Variants in PRKCE observed in about 807,000 individuals in gnomAD.
PRKCE encodes the protein protein kinase C epsilon.
Under a neutral mutation model 85.4 loss-of-function variants are expected in PRKCE, and 16 were observed. The observed-to-expected ratio is 0.19, with a 90% CI of 0.13 to 0.28. The LOEUF (loss-of-function observed/expected upper bound fraction) is 0.28. PRKCE is among the 10% of genes least tolerant of loss of function. The pLI is 1.00. For missense variants in PRKCE, 573 were observed against 975.2 expected (o/e 0.59, Z 5.49); for synonymous variants, 388 against 371.5 (o/e 1.04, Z -0.51).
rs2104763078 is a variant in PRKCE at position 46,187,866 on chromosome 2, T to G, written c.*2985T>G. ...ATTTTTTTCCTTTCTGGATGTAATT[T>G]TAATCTCTTGCCATTCATTAGTGTT... On this transcript the variant is annotated 3_prime_UTR_variant, in exon 15 of 15. Coordinates refer to ENST00000306156, the MANE Select transcript of PRKCE (RefSeq NM_005400.3). The G allele has an allele frequency of 6.5e-6, 1 of 152,746 alleles. No homozygotes were observed. Among genetic ancestry groups the G allele is most frequent in the Non-Finnish European group, 1.5e-5 (1 of 68,022 alleles). 9.5% of individuals were successfully genotyped at this position (152,746 alleles called of 1,614,324 possible).
Position 46,001,381 on chromosome 2 carries a change from C to T in PRKCE, c.824-23C>T, listed in dbSNP as rs61756879. On this transcript the variant is annotated intron_variant, in intron 6 of 14. Coordinates refer to ENST00000306156, the MANE Select transcript of PRKCE (RefSeq NM_005400.3). This position sits in a 1 kb window ranked among gnomAD's most constrained non-coding sequence, Gnocchi z 4.4. ...TCTTAGGCCATGAACACTTATCTGT[C>T]TTTTCTCCATGTCTCCTTACAGTCT... is the stretch of plus-strand genomic sequence containing the variant. The T allele has an allele frequency of 1.6e-3, 2,521 of 1,591,392 alleles. 3 individuals carry two copies. The highest frequency in any genetic ancestry group is 1.9e-3 in the Non-Finnish European group (2,235 of 1,174,354).
rs149615075 is a variant in PRKCE at position 46,105,906 on chromosome 2, C to G, written c.1592+19544C>G. ...CATTTTTCATGACTGCAAATGGCACCAGGTATGGTTGGTGTTTGCATAAGT... is the reference window on the plus strand; with the variant it reads ...CATTTTTCATGACTGCAAATGGCACGAGGTATGGTTGGTGTTTGCATAAGT... On this transcript the variant is annotated intron_variant, in intron 11 of 14. Transcript: ENST00000306156. Among the ~76,000 whole-genome samples the G allele has an allele frequency of 4.5e-3, 684 of 152,226 alleles. 6 individuals are homozygous for G. The highest frequency in any genetic ancestry group is 0.016 in the African/African-American group (656 of 41,538).
intron 1 of PRKCE, among the ~76,000 whole-genome samples, chr2:45,670,874 G>A (rs1434309063): frequency 6.6e-6 from 1 of 152,196 alleles, no homozygotes; most frequent in East Asian, 1.9e-4. Flanking sequence ...TAATGCTGCA[G>A]TGCCCTGATG....
chr2:46,095,028 A>G (rs1168560563), intron 11 of PRKCE, among the ~76,000 whole-genome samples: 2 of 152,214 alleles, frequency 1.3e-5, no homozygotes, highest in Admixed American at 1.3e-4. Context: ...CTCGCCCGGC[A>G]TAGATCTCTT....
intron 14 of PRKCE, among the ~76,000 whole-genome samples, chr2:46,164,468 G>A (rs1678121937): frequency 6.6e-6 from 1 of 152,238 alleles, no homozygotes; most frequent in Non-Finnish European, 1.5e-5. Context: ...CCTCTGTCGT[G>A]TGTTACCTCC....
chr2:45,965,870 C>G (rs994404921), intron 2 of PRKCE, among the ~76,000 whole-genome samples: 1 of 152,120 alleles, frequency 6.6e-6, no homozygotes, highest in East Asian at 1.9e-4. Flanking sequence ...TCTTGGTGGG[C>G]TTAGCATAGC....
At chr2:46,067,777 A>G (rs1235666249) in intron 10 of PRKCE, among the ~76,000 whole-genome samples, 1 of 152,216 alleles carries the variant, frequency 6.6e-6, no homozygotes, top group Non-Finnish European at 1.5e-5. Context: ...GCCCATCCTT[A>G]TCAAGCTAGA....
At chr2:45,865,315 A>T (rs1449635334) in intron 2 of PRKCE, among the ~76,000 whole-genome samples, 1 of 152,144 alleles carries the variant, frequency 6.6e-6, no homozygotes, top group African/African-American at 2.4e-5. Context: ...AGGAGGAGAA[A>T]AAAAGAGTCA....
At chr2:46,163,240 C>A (rs1272921148) in intron 14 of PRKCE, among the ~76,000 whole-genome samples, 4 of 151,976 alleles carry the variant, frequency 2.6e-5, no homozygotes, top group Admixed American at 6.5e-5. Flanking sequence ...AGTGGAGGGG[C>A]ACCCCACAGA....
At chr2:46,020,791 G>A (rs1024419894) in intron 10 of PRKCE, among the ~76,000 whole-genome samples, 1 of 152,306 alleles carries the variant, frequency 6.6e-6, no homozygotes, top group Middle Eastern at 3.4e-3. Context: ...GATATGACAA[G>A]GCACAGCAAA....
intron 10 of PRKCE, among the ~76,000 whole-genome samples, chr2:46,057,377 G>T (rs564943850): frequency 6.6e-6 from 1 of 152,086 alleles, no homozygotes; most frequent in Admixed American, 6.5e-5. Flanking sequence ...ATAGTTGAAA[G>T]TTATTGGTAT....
chr2:45,702,810 C>G (rs1381945084), intron 1 of PRKCE, among the ~76,000 whole-genome samples: 3 of 152,124 alleles, frequency 2.0e-5, no homozygotes, highest in African/African-American at 4.8e-5. Context: ...CTTCACTGTT[C>G]CTCAGACATA....
intron 10 of PRKCE, among the ~76,000 whole-genome samples, chr2:46,069,975 C>G (rs942387302): frequency 6.6e-6 from 1 of 152,216 alleles, no homozygotes; most frequent in Non-Finnish European, 1.5e-5. Flanking sequence ...GACAGATTCA[C>G]ACATGGTGTT....
At chr2:45,820,019 G>T (rs1689394529) in intron 1 of PRKCE, among the ~76,000 whole-genome samples, 1 of 152,110 alleles carries the variant, frequency 6.6e-6, no homozygotes. Flanking sequence ...ACTGCTGTGG[G>T]GATTGCAGTA....
intron 1 of PRKCE, among the ~76,000 whole-genome samples, chr2:45,668,787 T>C (rs1676028138): frequency 6.6e-6 from 1 of 152,164 alleles, no homozygotes; most frequent in South Asian, 2.1e-4. Flanking sequence ...GTGAGACTCA[T>C]TTAATATGCA....
intron 11 of PRKCE, among the ~76,000 whole-genome samples, chr2:46,126,037 G>T (rs570127761): frequency 6.6e-6 from 1 of 152,254 alleles, no homozygotes; most frequent in African/African-American, 2.4e-5. Context: ...AGTTCTTGCC[G>T]AGTGGGCTCA....
chr2:45,980,414 C>T, intron 5 of PRKCE, 33 bp downstream of exon 5: 1 of 1,586,418 alleles, frequency 6.3e-7, no homozygotes, highest in Non-Finnish European at 8.6e-7. Context: ...TTCTGGGCTT[C>T]TTCACCGCCA....
intron 2 of PRKCE, among the ~76,000 whole-genome samples, chr2:45,869,342 TTAC>T (rs1693888857): frequency 6.6e-6 from 1 of 152,228 alleles, no homozygotes; most frequent in East Asian, 1.9e-4. Context: ...GAAGAGAGGA[TTAC>T]ATGAGGGAAT....
chr2:45,990,349 C>G (rs1325994189), intron 6 of PRKCE, among the ~76,000 whole-genome samples: 2 of 152,214 alleles, frequency 1.3e-5, no homozygotes, highest in Non-Finnish European at 2.9e-5. Context: ...AATGGGACAT[C>G]TTATCGCTTT....
Sources: allele counts gnomAD v4.1 joint callset (sites outside exome capture counted in the v4.1 genomes callset), GRCh38; gene constraint gnomAD v4.1.1; non-coding constraint Gnocchi (gnomAD v3.1); transcripts MANE v1.5; gene names NCBI Gene and HGNC (gene_info 2026-07-23, HGNC 2026-07-21).